The following ADAMTS8 variants were observed in gnomAD, a reference collection of about 807,000 sequenced individuals.
ADAMTS8 encodes ADAM metallopeptidase with thrombospondin type 1 motif 8.
In ADAMTS8, 50 loss-of-function variants were observed where a neutral mutation model predicts 64.4. The ratio of observed to expected loss-of-function variants is 0.78; its 90% CI spans 0.62 to 0.98. The LOEUF (loss-of-function observed/expected upper bound fraction) is 0.98, where lower values mean the gene tolerates loss of function less well. ADAMTS8 is among the 50% of genes least tolerant of loss of function. ADAMTS8 has a pLI of 0.00. For synonymous variants in ADAMTS8, 556 were observed against 533.6 expected (o/e 1.04, Z -0.58); for missense variants, 1,192 against 1,208.2 (o/e 0.99, Z 0.20).
In ADAMTS8 at chr11:130,405,029, C is replaced by G; in HGVS notation, c.*529G>C. 1.0e-6 allele frequency: 1 copy of G among 986,976 alleles called. No individual in the cohort carries two copies. The highest frequency in any genetic ancestry group is 1.2e-6 in the Non-Finnish European group (1 of 830,836). 61.1% of individuals were successfully genotyped at this position (986,976 alleles called of 1,614,324 possible). Reference sequence around the variant, plus strand: ...AGAACATGTGGCTCTCCAAACCCTGCGACGCTGCGGCCCTTTAGGTGATGG... The same window carrying G: ...AGAACATGTGGCTCTCCAAACCCTGGGACGCTGCGGCCCTTTAGGTGATGG... On this transcript the variant is annotated 3_prime_UTR_variant, in exon 9 of 9. Coordinates refer to ENST00000257359, the MANE Select transcript of ADAMTS8 (RefSeq NM_007037.6).
In ADAMTS8 at chr11:130,428,068, G is replaced by T; in HGVS notation, c.219C>A (p.Ser73Arg). The T allele has an allele frequency of 6.5e-7, 1 of 1,535,820 alleles. No individual in the cohort carries two copies. The highest frequency in any genetic ancestry group is 8.7e-7 in the Non-Finnish European group (1 of 1,149,604). The part of the protein sequence containing the change: ...GFVLRLAPDD[S>R]FLAPEFKIER... ...CGATCTTGAACTCGGGCGCTAGGAA[G>T]CTGTCGTCGGGCGCCAGGCGCAGCA... Residue 73 changes from serine to arginine, a missense_variant, in exon 1 of 9, where the codon AGC (serine) becomes AGA (arginine). Physicochemically the swap from Ser to Arg is moderately radical, Grantham distance 110. Around this residue, in one of 5 missense-constraint regions of ADAMTS8, gnomAD observed 741 missense variants for 710.6 expected, o/e 1.04. Transcript: ENST00000257359.
In ADAMTS8 at chr11:130,416,800, G is replaced by A; in HGVS notation, c.1096+140C>T. The A allele has an allele frequency of 7.4e-7, 1 of 1,343,546 alleles. No individual in the cohort carries two copies. 83.2% of individuals were successfully genotyped at this position (1,343,546 alleles called of 1,614,324 possible). ...GCACTGTCAAGCGCGGTATCTGTTTGTATACAGTCACCCTGTCAAAATTAG... is the reference window on the plus strand; with the variant it reads ...GCACTGTCAAGCGCGGTATCTGTTTATATACAGTCACCCTGTCAAAATTAG... On this transcript the variant is annotated intron_variant, in intron 3 of 8. Transcript: ENST00000257359. This position sits in a 1 kb window ranked among gnomAD's most constrained non-coding sequence, Gnocchi z 4.8.
At chr11:130,420,603 C>T (rs921111549) in intron 1 of ADAMTS8, among the ~76,000 whole-genome samples, 6 of 152,036 alleles carry the variant, frequency 3.9e-5, no homozygotes, top group Admixed American at 2.0e-4. Flanking sequence ...TAGAGAGGGA[C>T]ATTCCATCGG....
rs1025251610 is a variant in ADAMTS8 at position 130,416,467 on chromosome 11, C to T, written c.1097-137G>A. The T allele has an allele frequency of 2.5e-5, 25 of 999,326 alleles. No individual in the cohort carries two copies. Among genetic ancestry groups the T allele is most frequent in the East Asian group, 1.6e-4 (6 of 37,796 alleles). The allele number at this position is 999,326 out of a possible 1,614,324, so 61.9% of individuals were successfully genotyped here. A position where few individuals can be genotyped will look rare whatever the true frequency, so the allele number is the denominator to read the frequency against. On this transcript the variant is annotated intron_variant, in intron 3 of 8. Coordinates refer to ENST00000257359, the MANE Select transcript of ADAMTS8 (RefSeq NM_007037.6). This position sits in a 1 kb window ranked among gnomAD's most constrained non-coding sequence, Gnocchi z 4.8. Reference sequence around the variant, plus strand: ...CCGAAGATTTCTGCGTAGGGCTTTCCCCTGCGCTTTGCTCTTCCAGGACGC... The same window carrying T: ...CCGAAGATTTCTGCGTAGGGCTTTCTCCTGCGCTTTGCTCTTCCAGGACGC...
Position 130,416,765 on chromosome 11 carries a change from G to C in ADAMTS8, c.1096+175C>G, listed in dbSNP as rs1341841466. ...GCCATGTGCTCGGGGTGGGAGCGGAGTTGTGTTCAGCACTGTCAAGCGCGG... is the reference window on the plus strand; with the variant it reads ...GCCATGTGCTCGGGGTGGGAGCGGACTTGTGTTCAGCACTGTCAAGCGCGG... On this transcript the variant is annotated intron_variant, in intron 3 of 8. Coordinates refer to ENST00000257359, the MANE Select transcript of ADAMTS8 (RefSeq NM_007037.6). This position sits in a 1 kb window ranked among gnomAD's most constrained non-coding sequence, Gnocchi z 4.8. Among the ~76,000 whole-genome samples, 1 of 152,196 alleles carries C rather than the reference G, an allele frequency of 6.6e-6. No individual in the cohort carries two copies. Among genetic ancestry groups the C allele is most frequent in the Non-Finnish European group, 1.5e-5 (1 of 68,034 alleles).
At position 130,405,685 on chromosome 11, in the gene ADAMTS8, C is replaced by A; in HGVS notation, c.2543G>T (p.Cys848Phe). Residue 848 changes from cysteine to phenylalanine, a missense_variant, in exon 9 of 9, where the codon TGC (cysteine) becomes TTC (phenylalanine). Physicochemically the swap from Cys to Phe is radical, Grantham distance 205. Coordinates refer to ENST00000257359, the MANE Select transcript of ADAMTS8 (RefSeq NM_007037.6). Reference sequence around the variant, plus strand: ...AGTTCGCCTCTGCCAGCCGGCCCCGCAGGTGCTAGAGCACTCAGACCAGTC... The same window carrying A: ...AGTTCGCCTCTGCCAGCCGGCCCCGAAGGTGCTAGAGCACTCAGACCAGTC... ...LGDWSECSST[C>F]GAGWQRRTVE... The A allele has an allele frequency of 6.2e-7, 1 of 1,614,116 alleles. No homozygotes were observed. The highest frequency in any genetic ancestry group is 8.5e-7 in the Non-Finnish European group (1 of 1,179,984).
At chr11:130,420,182 T>A (rs1212158551) in intron 1 of ADAMTS8, among the ~76,000 whole-genome samples, 2 of 152,190 alleles carry the variant, frequency 1.3e-5, no homozygotes, top group Non-Finnish European at 2.9e-5. Context: ...CGTTCCCTCC[T>A]GACTGGGGCT....
chr11:130,418,814 C>T (rs184145358), intron 2 of ADAMTS8, among the ~76,000 whole-genome samples: 1 of 152,354 alleles, frequency 6.6e-6, no homozygotes, highest in Non-Finnish European at 1.5e-5. Flanking sequence ...TGTGTGACCT[C>T]AGGAGACAGC....
chr11:130,409,146 C>A (rs7950117), intron 6 of ADAMTS8, among the ~76,000 whole-genome samples: 1,600 of 152,258 alleles, frequency 0.011, 12 homozygotes, highest in South Asian at 0.017. Context: ...AGCCTCCAGC[C>A]GCATGCTGGG....
chr11:130,427,531 C>T lies in ADAMTS8; in HGVS notation c.720+36G>A. On this transcript the variant is annotated intron_variant, in intron 1 of 8. Transcript: ENST00000257359. ...ACGCTGGGAGGCGTCTGGGGGGCCTCCGGGCACGGCGGCTGGAGGAGGCTC... is the reference window on the plus strand; with the variant it reads ...ACGCTGGGAGGCGTCTGGGGGGCCTTCGGGCACGGCGGCTGGAGGAGGCTC... 2.6e-6 allele frequency: 4 copies of T among 1,525,514 alleles called. No individual in the cohort carries two copies. In the South Asian group the frequency reaches 3.6e-5, roughly 14 times the overall value. 94.5% of individuals were successfully genotyped at this position (1,525,514 alleles called of 1,614,324 possible).
intron 8 of ADAMTS8, among the ~76,000 whole-genome samples, chr11:130,406,931 CA>C (rs1861892665): frequency 6.6e-6 from 1 of 152,160 alleles, no homozygotes; most frequent in Non-Finnish European, 1.5e-5. Flanking sequence ...ACCATATGTC[CA>C]GCTGGGGCTA....
chr11:130,419,548 T>G (rs1862073331), intron 1 of ADAMTS8, among the ~76,000 whole-genome samples: 1 of 152,218 alleles, frequency 6.6e-6, no homozygotes, highest in Non-Finnish European at 1.5e-5. Context: ...GCTCCGAACT[T>G]GTGTGTCTAA....
At chr11:130,410,234 G>T (rs907797820) in intron 6 of ADAMTS8, among the ~76,000 whole-genome samples, 2 of 152,256 alleles carry the variant, frequency 1.3e-5, no homozygotes, top group Middle Eastern at 3.4e-3. Flanking sequence ...AAATGTAATG[G>T]CTGTGTTAAA....
At chr11:130,424,994 A>G (rs751668997) in intron 1 of ADAMTS8, among the ~76,000 whole-genome samples, 2 of 152,082 alleles carry the variant, frequency 1.3e-5, no homozygotes, top group Non-Finnish European at 2.9e-5. Flanking sequence ...CAGCCTTCAG[A>G]GGTGCCCGAT....
rs1342694981 is a variant in ADAMTS8, at chr11:130,405,406, G to C, written c.*152C>G. The C allele has an allele frequency of 2.8e-6, 4 of 1,453,522 alleles. No homozygotes were observed. The Admixed American group carries it at 8.0e-5, about 29-fold the overall frequency. The allele number at this position is 1,453,522 out of a possible 1,614,324, so 90.0% of individuals were successfully genotyped here. A position where few individuals can be genotyped will look rare whatever the true frequency, so the allele number is the denominator to read the frequency against. ...CTCTCCTCTTCCCCCTTAGGAATTT[G>C]TGCAGTACTGGAGGGGTTGCGGCAA... On this transcript the variant is annotated 3_prime_UTR_variant, in exon 9 of 9. Coordinates refer to ENST00000257359, the MANE Select transcript of ADAMTS8 (RefSeq NM_007037.6).
intron 1 of ADAMTS8, among the ~76,000 whole-genome samples, chr11:130,427,146 T>C (rs1047118049): frequency 6.6e-6 from 1 of 152,266 alleles, no homozygotes; most frequent in Non-Finnish European, 1.5e-5. Context: ...CTCTCAGATC[T>C]GGAGGCAGTA....
At chr11:130,410,783 C>T (rs749219809) in intron 6 of ADAMTS8, among the ~76,000 whole-genome samples, 5 of 152,172 alleles carry the variant, frequency 3.3e-5, no homozygotes, top group African/African-American at 4.8e-5. Context: ...TGGTTTCCAG[C>T]AGGTACTGGG....
intron 7 of ADAMTS8, 29 bp downstream of exon 7, chr11:130,408,739 C>T: frequency 6.2e-7 from 1 of 1,613,618 alleles, no homozygotes. Context: ...CTCCCCATCT[C>T]TGGATCTGAG....
chr11:130,425,683 C>G (rs1862155905), intron 1 of ADAMTS8, among the ~76,000 whole-genome samples: 1 of 151,568 alleles, frequency 6.6e-6, no homozygotes, highest in Non-Finnish European at 1.5e-5. Context: ...TCACTGCAAG[C>G]TCTGCCTCCT....
Sources: allele counts gnomAD v4.1 joint callset (sites outside exome capture counted in the v4.1 genomes callset), GRCh38; gene constraint gnomAD v4.1.1; regional missense constraint gnomAD v4.1.1; non-coding constraint Gnocchi (gnomAD v3.1); transcripts MANE v1.5; gene names NCBI Gene and HGNC (gene_info 2026-07-23, HGNC 2026-07-21).